Variants in HCRTR2 observed in about 807,000 individuals in gnomAD.
HCRTR2 encodes hypocretin receptor 2.
HCRTR2 carries 22 observed loss-of-function variants against 49.0 expected under a neutral mutation model. That is an observed-to-expected ratio of 0.45 (90% CI 0.32 to 0.64). The LOEUF is 0.64. Among genes scored for constraint, HCRTR2 ranks in the 30% least tolerant of loss-of-function variants. The pLI, the probability that HCRTR2 is intolerant of heterozygous loss-of-function variation, is 0.04. For synonymous variants in HCRTR2, 236 were observed against 205.3 expected (o/e 1.15, Z -1.28); for missense variants, 491 against 559.4 (o/e 0.88, Z 1.23).
At chr6:55,205,548 AAAGT>A (rs1260428475) in intron 1 of HCRTR2, among the ~76,000 whole-genome samples, 1 of 152,162 alleles carries the variant, frequency 6.6e-6, no homozygotes, top group Non-Finnish European at 1.5e-5. Flanking sequence ...AAAGATGCAG[AAAGT>A]AAGTAGAGTG....
chr6:55,207,660 T>A (rs1765624336), intron 1 of HCRTR2, among the ~76,000 whole-genome samples: 1 of 152,110 alleles, frequency 6.6e-6, no homozygotes, highest in African/African-American at 2.4e-5. Flanking sequence ...GCTGAAAGAA[T>A]GATATAACCT....
At chr6:55,145,392 T>TC (rs1764564631) in intron 1 of HCRTR2, among the ~76,000 whole-genome samples, 1 of 85,972 alleles carries the variant, frequency 1.2e-5, no homozygotes, top group Admixed American at 1.1e-4. Context: ...TAACATTCTT[T>TC]GTTTTTTTTT....
At chr6:55,123,634 G>A (rs111394475) in intron 1 of HCRTR2, among the ~76,000 whole-genome samples, 165 of 152,076 alleles carry the variant, frequency 1.1e-3, no homozygotes, top group Non-Finnish European at 1.7e-3. Context: ...GGTGATACTC[G>A]CCTCATAAAA....
chr6:55,171,748 G>A (rs9357846), upstream of HCRTR2, among the ~76,000 whole-genome samples: 4,423 of 152,164 alleles, frequency 0.029, 90 homozygotes, highest in African/African-American at 0.065. Flanking sequence ...TTCATTTCTC[G>A]TTATTTATAA....
At chr6:55,160,583 G>A (rs1390649693) in intron 1 of HCRTR2, among the ~76,000 whole-genome samples, 22 of 152,118 alleles carry the variant, frequency 1.4e-4, no homozygotes, top group Non-Finnish European at 2.9e-5. Flanking sequence ...GCTGTATTCA[G>A]GAGTCCAATT....
In HCRTR2 at chr6:55,226,655, C is replaced by T. The variant is rs951107480; in HGVS notation, c.224-21984C>T. Among the ~76,000 whole-genome samples the T allele has an allele frequency of 2.7e-5, 4 of 150,432 alleles. No individual in the cohort carries two copies. In the East Asian group the frequency reaches 6.0e-4, roughly 23 times the overall value. ...GGGGACAGGTAAGCATAAAAACATC[C>T]AAAATCATGTATTTATGTTTAGGCT... On this transcript the variant is annotated intron_variant, in intron 1 of 6. Transcript: ENST00000370862.
At position 55,226,701 on chromosome 6, in the gene HCRTR2, A is replaced by C. The variant is rs551604177; in HGVS notation, c.224-21938A>C. On this transcript the variant is annotated intron_variant, in intron 1 of 6. Transcript: ENST00000370862. The stretch of plus-strand genomic sequence containing the variant: ...AGGCTCTGCTTGTAGAGTGATACCA[A>C]ATTCCAGGTGTTTTTTTTTTTTTTT... Among the ~76,000 whole-genome samples the C allele has an allele frequency of 6.1e-5, 9 of 148,042 alleles. No homozygotes were observed. In the South Asian group the frequency reaches 1.9e-3, roughly 31 times the overall value.
intron 1 of HCRTR2, among the ~76,000 whole-genome samples, chr6:55,241,664 T>C (rs796594855): frequency 4.6e-5 from 7 of 152,180 alleles, no homozygotes; most frequent in African/African-American, 1.7e-4. Flanking sequence ...GTGATTAACA[T>C]TGCATTGATA....
intron 1 of HCRTR2, among the ~76,000 whole-genome samples, chr6:55,137,248 T>C (rs1467810580): frequency 2.0e-5 from 3 of 152,090 alleles, no homozygotes; most frequent in African/African-American, 7.2e-5. Context: ...TCAGAGTAGA[T>C]ACAAAACACA....
chr6:55,208,327 T>A (rs3122150), intron 1 of HCRTR2, among the ~76,000 whole-genome samples: 29,359 of 130,920 alleles, frequency 0.22, 3,213 homozygotes, highest in East Asian at 0.32. Context: ...AATAAAAAAA[T>A]AAAAAAAAAA....
At chr6:55,138,024 A>G (rs1290202559) in intron 1 of HCRTR2, among the ~76,000 whole-genome samples, 1 of 152,174 alleles carries the variant, frequency 6.6e-6, no homozygotes, top group Admixed American at 6.5e-5. Flanking sequence ...GGAAGGGAGA[A>G]CGGGATATAC....
intron 1 of HCRTR2, among the ~76,000 whole-genome samples, chr6:55,163,002 A>T (rs895379323): frequency 6.6e-6 from 1 of 152,214 alleles, no homozygotes; most frequent in Admixed American, 6.5e-5. Context: ...TAATCCAAGC[A>T]CTTTGGGAGG....
chr6:55,265,386 T>C (rs932616401), intron 4 of HCRTR2, among the ~76,000 whole-genome samples: 3 of 152,128 alleles, frequency 2.0e-5, no homozygotes, highest in Admixed American at 2.0e-4. Flanking sequence ...TTCACTCCTA[T>C]TACAGGTCAG....
intron 1 of HCRTR2, chr6:55,240,800 G>C (rs1452199436): frequency 4.8e-6 from 2 of 420,814 alleles, no homozygotes; most frequent in South Asian, 3.5e-5. Context: ...CCTGTTTCAA[G>C]GTAGGTTTTT....
chr6:55,206,887 T>G (rs1257302034), intron 1 of HCRTR2, among the ~76,000 whole-genome samples: 1 of 152,082 alleles, frequency 6.6e-6, no homozygotes, highest in African/African-American at 2.4e-5. Context: ...AGTGTAAGTT[T>G]CCAAGTTCAG....
intron 1 of HCRTR2, among the ~76,000 whole-genome samples, chr6:55,109,856 A>C (rs1452691734): frequency 6.6e-6 from 1 of 152,164 alleles, no homozygotes; most frequent in East Asian, 1.9e-4. Flanking sequence ...ATTCGAATAC[A>C]AGAAGCTCAA....
intron 1 of HCRTR2, among the ~76,000 whole-genome samples, chr6:55,196,354 G>A (rs915643602): frequency 2.0e-5 from 3 of 152,142 alleles, no homozygotes; most frequent in Non-Finnish European, 4.4e-5. Flanking sequence ...AGGAAGTATC[G>A]GAGCTTTTGT....
chr6:55,264,349 G>C (rs1766824019), intron 4 of HCRTR2, among the ~76,000 whole-genome samples: 1 of 152,046 alleles, frequency 6.6e-6, no homozygotes, highest in African/African-American at 2.4e-5. Context: ...ATATAATGCT[G>C]ATTTGGGGTT....
At chr6:55,136,324 G>T (rs541494084) in intron 1 of HCRTR2, among the ~76,000 whole-genome samples, 7 of 152,204 alleles carry the variant, frequency 4.6e-5, no homozygotes, top group Admixed American at 2.0e-4. Context: ...TACTAGAGCC[G>T]CAGTATGATT....
Sources: gnomAD v4.1 joint callset for allele counts (sites outside exome capture counted in the v4.1 genomes callset) on GRCh38, gnomAD v4.1.1 for gene constraint, MANE v1.5 for transcripts, NCBI Gene and HGNC (gene_info 2026-07-23, HGNC 2026-07-21) for gene names.